The following SMC6 variants were observed in gnomAD, a reference collection of about 807,000 sequenced individuals.
SMC6 encodes structural maintenance of chromosomes protein 6.
In SMC6, 79 loss-of-function variants were observed where a neutral mutation model predicts 142.2. The observed-to-expected ratio is 0.56, with a 90% CI of 0.46 to 0.67. The LOEUF is 0.67. SMC6 is among the 30% of genes least tolerant of loss of function. The pLI is 0.00. For synonymous variants in SMC6, 411 were observed against 412.4 expected (o/e 1.00, Z 0.04); for missense variants, 1,072 against 1,284.0 (o/e 0.83, Z 2.52).
chr2:17,672,049 A>G (rs181669538), intron 25 of SMC6, among the ~76,000 whole-genome samples: 3 of 152,140 alleles, frequency 2.0e-5, no homozygotes, highest in African/African-American at 7.2e-5. Context: ...AATTCTAAAC[A>G]TACTCTAAAA....
chr2:17,748,474 T>C (rs1670862845), intron 2 of SMC6, among the ~76,000 whole-genome samples: 1 of 152,230 alleles, frequency 6.6e-6, no homozygotes, highest in South Asian at 2.1e-4. Context: ...TAAGACAATA[T>C]TACCATTACA....
chr2:17,706,751 T>C (rs1668529857), intron 18 of SMC6, among the ~76,000 whole-genome samples: 1 of 152,170 alleles, frequency 6.6e-6, no homozygotes, highest in African/African-American at 2.4e-5. Flanking sequence ...GTAGCTGTAT[T>C]TTCCTAGGCA....
rs867741404 is a variant in SMC6, at chr2:17,665,579, G to A, written c.3196C>T (p.Arg1066Ter). The A allele has an allele frequency of 5.6e-6, 9 of 1,609,340 alleles. No individual in the cohort carries two copies. The highest frequency in any genetic ancestry group is 7.6e-6 in the Non-Finnish European group (9 of 1,177,454). The change falls in exon 28 of 28, where the codon CGA (arginine) becomes TGA (stop). Residue 1066 changes from arginine to a stop codon, truncating the protein, a stop_gained. Coordinates refer to ENST00000448223, the MANE Select transcript of SMC6 (RefSeq NM_001142286.2). LOFTEE classifies it high-confidence loss of function. ...TGTCCTCTTTCAGGATCAGACATTC[G>A]GAGAATTCTTATCAGTTTACTGGAT... ...LPSSKLIRIL[R>*]MSDPERGQTT...
In SMC6 at chr2:17,703,276, C is replaced by T; in HGVS notation, c.2023G>A (p.Val675Ile). The change falls in exon 19 of 28, where the codon GTT (valine) becomes ATT (isoleucine). Residue 675 changes from valine (V) to isoleucine (I), a missense_variant. By Grantham distance (29) the Val-to-Ile change is conservative. Coordinates refer to ENST00000448223, the MANE Select transcript of SMC6 (RefSeq NM_001142286.2). ...AATATCTGGGCCGTCTTATTTTCAA[C>T]CTCATTCTCCAAGTCACTTGATAGG... The part of the protein sequence containing the change: ...DSEISDLENE[V>I]ENKTAQILNL... The T allele has an allele frequency of 6.2e-7, 1 of 1,600,200 alleles. No individual in the cohort carries two copies. Among genetic ancestry groups the T allele is most frequent in the Admixed American group, 1.8e-5 (1 of 56,594 alleles).
chr2:17,752,929 T>C (rs1355248509), intron 2 of SMC6, 49 bp downstream of exon 2: 3 of 733,908 alleles, frequency 4.1e-6, no homozygotes. Context: ...ACTTCTGTCT[T>C]GAGGGCTCAA....
intron 18 of SMC6, among the ~76,000 whole-genome samples, 186 bp downstream of exon 18, chr2:17,707,033 A>G (rs1668544817): frequency 6.6e-6 from 1 of 152,194 alleles, no homozygotes; most frequent in Admixed American, 6.5e-5. Context: ...GACGTTGTTA[A>G]AGTGATGATG....
intron 25 of SMC6, among the ~76,000 whole-genome samples, chr2:17,676,116 T>C (rs73921035): frequency 0.013 from 1,948 of 152,266 alleles, 22 homozygotes; most frequent in East Asian, 0.03. Flanking sequence ...TTGTGTCCAG[T>C]TGGCTGTTAA....
chr2:17,670,713 C>T lies in SMC6; in HGVS notation c.2911-138G>A, dbSNP rs916630879. On this transcript the variant is annotated intron_variant, in intron 25 of 27. Transcript: ENST00000448223. Reference sequence around the variant, plus strand: ...AAATGACTTAGTGATTTGGAAATACCCATTCCTTTCAAAAAATTTTACAGT... The same window carrying T: ...AAATGACTTAGTGATTTGGAAATACTCATTCCTTTCAAAAAATTTTACAGT... 4 of 830,454 alleles carry T rather than the reference C, an allele frequency of 4.8e-6. No individual in the cohort carries two copies. In the African/African-American group the frequency reaches 7.2e-5, roughly 15 times the overall value. The allele number at this position is 830,454 out of a possible 1,614,324, so 51.4% of individuals were successfully genotyped here.
intron 23 of SMC6, among the ~76,000 whole-genome samples, chr2:17,693,549 G>C (rs1272614362): frequency 6.6e-6 from 1 of 152,082 alleles, no homozygotes; most frequent in Non-Finnish European, 1.5e-5. Flanking sequence ...CGGCTGTGTG[G>C]TGGGGGGAGG....
intron 23 of SMC6, among the ~76,000 whole-genome samples, chr2:17,690,230 G>C (rs1470475463): frequency 6.6e-6 from 1 of 152,144 alleles, no homozygotes; most frequent in Non-Finnish European, 1.5e-5. Context: ...TAAATTCACT[G>C]AATAAATTAA....
intron 7 of SMC6, among the ~76,000 whole-genome samples, chr2:17,728,264 C>T (rs767566676): frequency 2.0e-5 from 3 of 151,660 alleles, no homozygotes; most frequent in East Asian, 1.9e-4. Flanking sequence ...GGTGAAACCC[C>T]GTCTCTACAA....
At chr2:17,694,901 C>G (rs968418281) in intron 23 of SMC6, among the ~76,000 whole-genome samples, 1 of 152,068 alleles carries the variant, frequency 6.6e-6, no homozygotes, top group Non-Finnish European at 1.5e-5. Context: ...ATTTTCATGT[C>G]TATATGAACC....
intron 20 of SMC6, among the ~76,000 whole-genome samples, 156 bp from the exon 21 acceptor site, chr2:17,700,534 T>C (rs903093310): frequency 3.3e-5 from 5 of 152,142 alleles, no homozygotes; most frequent in Non-Finnish European, 2.9e-5. Flanking sequence ...ATACTCTTAA[T>C]GGTAAATTAG....
intron 8 of SMC6, 108 bp downstream of exon 8, chr2:17,726,281 T>C (rs1669621250): frequency 2.7e-6 from 2 of 740,830 alleles, no homozygotes; most frequent in African/African-American, 3.6e-5. Flanking sequence ...TAGATGGCTT[T>C]AAGGAAAAAA....
chr2:17,690,410 T>C (rs868691333), intron 23 of SMC6, among the ~76,000 whole-genome samples: 1 of 152,092 alleles, frequency 6.6e-6, no homozygotes, highest in Non-Finnish European at 1.5e-5. Context: ...CTGGTCAACA[T>C]GGCGAAACTC....
At chr2:17,713,733 GCTAT>G (rs1334840196) in intron 16 of SMC6, among the ~76,000 whole-genome samples, 11 of 152,290 alleles carry the variant, frequency 7.2e-5, no homozygotes, top group African/African-American at 9.6e-5. Flanking sequence ...AAATCTCTGT[GCTAT>G]CTGTTTCTTC....
intron 25 of SMC6, among the ~76,000 whole-genome samples, chr2:17,678,041 C>T (rs1667078708): frequency 6.6e-6 from 1 of 151,714 alleles, no homozygotes; most frequent in Non-Finnish European, 1.5e-5. Flanking sequence ...CTCCATATGC[C>T]CTCTTTTAAC....
intron 3 of SMC6, among the ~76,000 whole-genome samples, chr2:17,743,601 C>T (rs1670583037): frequency 6.6e-6 from 1 of 152,096 alleles, no homozygotes; most frequent in Admixed American, 6.6e-5. Flanking sequence ...TCATTATCAA[C>T]CCAAGTCCAC....
At chr2:17,735,734 T>C (rs940709213) in intron 5 of SMC6, among the ~76,000 whole-genome samples, 3 of 152,180 alleles carry the variant, frequency 2.0e-5, no homozygotes, top group Non-Finnish European at 4.4e-5. Flanking sequence ...ATTCAGTCCC[T>C]GTGTCACTGC....
Sources: allele counts gnomAD v4.1 joint callset (sites outside exome capture counted in the v4.1 genomes callset), GRCh38; gene constraint gnomAD v4.1.1; transcripts MANE v1.5; gene names NCBI Gene and HGNC (gene_info 2026-07-23, HGNC 2026-07-21).